Variants in TSACC observed in about 807,000 individuals in gnomAD.
TSACC encodes the protein TSSK6-activating co-chaperone protein.
A neutral mutation model predicts 6.9 loss-of-function variants in TSACC; 3 were observed. The observed-to-expected ratio is 0.43, with a 90% CI of 0.20 to 1.12. The LOEUF (loss-of-function observed/expected upper bound fraction) is 1.12. Ranked by LOEUF, TSACC falls within the 50% of genes most tolerant of loss-of-function variation. TSACC has a pLI of 0.28. For synonymous variants in TSACC, 54 were observed against 55.1 expected (o/e 0.98, Z 0.09); for missense variants, 137 against 143.9 (o/e 0.95, Z 0.24).
At chr1:156,344,974 A>G (rs1055933353) in intron 3 of TSACC, among the ~76,000 whole-genome samples, 3 of 152,204 alleles carry the variant, frequency 2.0e-5, no homozygotes, top group Non-Finnish European at 2.9e-5. Flanking sequence ...TGGTAATGTT[A>G]GTTAAAAGAT....
chr1:156,345,375 C>A (rs931584310), intron 3 of TSACC, among the ~76,000 whole-genome samples: 1 of 151,776 alleles, frequency 6.6e-6, no homozygotes, highest in Non-Finnish European at 1.5e-5. Context: ...CCAGCCTGAC[C>A]GACATGGTGA....
At chr1:156,338,174 T>C (rs1446111858), upstream of TSACC, 8 of 1,588,418 alleles carry the variant, frequency 5.0e-6, no homozygotes, top group Admixed American at 1.9e-5. Flanking sequence ...CACTGGACGA[T>C]GGCCCATCAT....
Position 156,344,551 on chromosome 1 carries a change from G to A in TSACC, c.35-29G>A, listed in dbSNP as rs73010608. On this transcript the variant is annotated intron_variant, in intron 2 of 3. Coordinates refer to ENST00000368254, the MANE Select transcript of TSACC (RefSeq NM_001304817.2). ...TAGAAAGGCTGTCCCTTGTTGGAAT[G>A]AGCTCTGATTTAGTTATCTCTGATT... The A allele has an allele frequency of 8.8e-3, 14,140 of 1,609,816 alleles. 1,064 individuals carry two copies. The African/African-American group carries it at 0.17, about 19-fold the overall frequency.
At chr1:156,341,384 T>C (rs558515392) in intron 2 of TSACC, among the ~76,000 whole-genome samples, 1 of 152,178 alleles carries the variant, frequency 6.6e-6, no homozygotes, top group Non-Finnish European at 1.5e-5. Context: ...GCCACAAGAC[T>C]CTCATAGCAC....
In TSACC at chr1:156,343,201, A is replaced by G. The variant is rs1341146695; in HGVS notation, c.35-1379A>G. ...TTCCTACTCTCACCTCAGATTCAAT[A>G]TGTCCAGATGTGATTATGTTAATAT... is the stretch of plus-strand genomic sequence containing the variant. On this transcript the variant is annotated intron_variant, in intron 2 of 3. Transcript: ENST00000368254. 3.3e-5 allele frequency among the ~76,000 whole-genome samples: 5 copies of G among 152,160 alleles called. No homozygotes were observed. In the East Asian group the frequency reaches 9.6e-4, roughly 29 times the overall value.
At chr1:156,337,320 A>C, upstream of TSACC, 1 of 274,762 alleles carries the variant, frequency 3.6e-6, no homozygotes, top group South Asian at 2.8e-5. Context: ...AGGCAGGAGG[A>C]TCGCTTGAAC....
intron 3 of TSACC, among the ~76,000 whole-genome samples, chr1:156,345,870 A>G (rs2101719705): frequency 6.6e-6 from 1 of 151,490 alleles, no homozygotes; most frequent in East Asian, 1.9e-4. Flanking sequence ...CCATTGAAAA[A>G]AAAAAAAAGA....
chr1:156,340,713 G>C (rs1054814127), intron 2 of TSACC, among the ~76,000 whole-genome samples: 5 of 152,062 alleles, frequency 3.3e-5, no homozygotes, highest in Non-Finnish European at 5.9e-5. Context: ...CGCCTGCCTC[G>C]GCCTCCCGAA....
chr1:156,337,407 C>A, upstream of TSACC: 1 of 167,874 alleles, frequency 6.0e-6, no homozygotes, highest in Non-Finnish European at 1.3e-5. Context: ...GACTTTGTCT[C>A]AAAATATAAA....
At chr1:156,346,523 C>T (rs1260101022) in intron 3 of TSACC, among the ~76,000 whole-genome samples, 1 of 152,036 alleles carries the variant, frequency 6.6e-6, no homozygotes, top group East Asian at 1.9e-4. Context: ...GCCATATGAC[C>T]ATAAATATTA....
upstream of TSACC, chr1:156,338,475 G>C (rs1665572847): frequency 1.9e-6 from 1 of 525,956 alleles, no homozygotes. Flanking sequence ...TAGGGTGGCC[G>C]CTCCCGGCCG....
intron 3 of TSACC, among the ~76,000 whole-genome samples, chr1:156,346,218 GAAAA>G (rs1053340502): frequency 6.8e-6 from 1 of 146,674 alleles, no homozygotes; most frequent in Non-Finnish European, 1.5e-5. Flanking sequence ...AAAAGAAAAA[GAAAA>G]AAAACAATGG....
chr1:156,342,350 AC>A (rs1665943966), intron 2 of TSACC, among the ~76,000 whole-genome samples: 1 of 152,168 alleles, frequency 6.6e-6, no homozygotes, highest in Non-Finnish European at 1.5e-5. Flanking sequence ...AAAGAAAAAA[AC>A]CAAAACCAAA....
chr1:156,344,635 C>G lies in TSACC; in HGVS notation c.90C>G (p.Pro30=), dbSNP rs747417599. The change falls in exon 3 of 4, where the codon CCC becomes CCG. Residue 30 remains proline (P), a synonymous_variant. Transcript: ENST00000368254. ...AVPLCRAKPS[P]SYINLQASSP... is the part of the protein sequence containing the mutation. ...CTCTCTGTAGAGCAAAACCCTCCCCCAGCTATATTAATCTTCAAGCAAGTT... is the reference window on the plus strand; with the variant it reads ...CTCTCTGTAGAGCAAAACCCTCCCCGAGCTATATTAATCTTCAAGCAAGTT... 1 of 1,614,082 alleles carries G rather than the reference C, an allele frequency of 6.2e-7. No homozygotes were observed. The highest frequency in any genetic ancestry group is 8.5e-7 in the Non-Finnish European group (1 of 1,180,006).
chr1:156,340,197 C>T (rs1665786075), intron 2 of TSACC, among the ~76,000 whole-genome samples: 1 of 152,190 alleles, frequency 6.6e-6, no homozygotes, highest in African/African-American at 2.4e-5. Context: ...CTCGCTCTGT[C>T]ACCCAGGCTG....
chr1:156,338,009 G>A (rs1665522536), upstream of TSACC: 3 of 843,894 alleles, frequency 3.6e-6, no homozygotes, highest in Admixed American at 4.4e-5. Context: ...AGAGAGGAAA[G>A]CGGGACACTG....
At chr1:156,343,997 C>T (rs1411854603) in intron 2 of TSACC, among the ~76,000 whole-genome samples, 1 of 152,082 alleles carries the variant, frequency 6.6e-6, no homozygotes, top group Non-Finnish European at 1.5e-5. Context: ...GCCTTGGCCT[C>T]CCAAAGTGCT....
intron 2 of TSACC, among the ~76,000 whole-genome samples, chr1:156,341,767 A>G (rs1244604859): frequency 6.6e-6 from 1 of 152,192 alleles, no homozygotes; most frequent in East Asian, 1.9e-4. Context: ...ATAACCCAGT[A>G]TAAAATGCAT....
upstream of TSACC, chr1:156,338,005 G>A (rs978851816): frequency 7.3e-6 from 6 of 824,116 alleles, no homozygotes; most frequent in South Asian, 6.2e-5. Flanking sequence ...GAGAAGAGAG[G>A]AAAGCGGGAC....
Sources: allele counts gnomAD v4.1 joint callset (sites outside exome capture counted in the v4.1 genomes callset), GRCh38; gene constraint gnomAD v4.1.1; transcripts MANE v1.5; gene names NCBI Gene and HGNC (gene_info 2026-07-23, HGNC 2026-07-21).